Variants in BRINP1 observed in about 807,000 individuals in gnomAD.
BRINP1 encodes the protein BMP/retinoic acid inducible neural specific 1.
BRINP1 carries 17 observed loss-of-function variants against 72.9 expected under a neutral mutation model. The observed-to-expected ratio is 0.23, with a 90% CI of 0.16 to 0.35. The LOEUF (loss-of-function observed/expected upper bound fraction) is 0.35, where lower values mean the gene tolerates loss of function less well. BRINP1 is among the 10% of genes least tolerant of loss of function. The probability of loss-of-function intolerance (pLI) is 1.00; values close to 1 mark genes in which losing one functional copy is unlikely to be tolerated. For missense variants in BRINP1, 850 were observed against 1,001.6 expected (o/e 0.85, Z 2.04); for synonymous variants, 418 against 378.5 (o/e 1.10, Z -1.21).
chr9:119,269,967 GA>G (rs1351768490), intron 2 of BRINP1, among the ~76,000 whole-genome samples: 2 of 152,082 alleles, frequency 1.3e-5, no homozygotes, highest in Non-Finnish European at 2.9e-5. Flanking sequence ...ATGGAAAAAA[GA>G]AAAAGTGGAA....
rs1326075797 is a variant in BRINP1 at position 119,367,219 on chromosome 9, TTG to T, written c.-51+1835_-51+1836del. 3.9e-4 allele frequency among the ~76,000 whole-genome samples: 22 copies of T among 56,466 alleles called. 1 individual carries two copies. Among genetic ancestry groups the T allele is most frequent in the Non-Finnish European group, 5.4e-4 (14 of 25,798 alleles). The allele number at this position is 56,466 out of a possible 152,430, so 37.0% of individuals were successfully genotyped here. ...TGTGTGTGTGTGTGTGTGTGTGTGA[TTG>T]ATATATATATATATATATATATCTT... On this transcript the variant is annotated intron_variant, in intron 1 of 7. Transcript: ENST00000265922.
In BRINP1 at chr9:119,289,061, A is replaced by C. The variant is rs150519656; in HGVS notation, c.218+24077T>G. Among the ~76,000 whole-genome samples the C allele has an allele frequency of 8.1e-3, 1,237 of 152,326 alleles. 15 individuals are homozygous for C. Among genetic ancestry groups the C allele is most frequent in the African/African-American group, 0.029 (1,196 of 41,580 alleles). On this transcript the variant is annotated intron_variant, in intron 2 of 7. Transcript: ENST00000265922. ...GTGATCCACCCGCCTCGGCCTCCCAAAGTGCTGGGGTTACAGGCGTGAGCC... is the reference window on the plus strand; with the variant it reads ...GTGATCCACCCGCCTCGGCCTCCCACAGTGCTGGGGTTACAGGCGTGAGCC...
At chr9:119,215,183 G>A (rs1356462742) in intron 5 of BRINP1, among the ~76,000 whole-genome samples, 1 of 152,128 alleles carries the variant, frequency 6.6e-6, no homozygotes, top group East Asian at 1.9e-4. Flanking sequence ...CCAATAGGAA[G>A]TGACCAGCCC....
chr9:119,247,434 C>T (rs1488720311), intron 3 of BRINP1, among the ~76,000 whole-genome samples: 2 of 151,834 alleles, frequency 1.3e-5, no homozygotes, highest in Non-Finnish European at 2.9e-5. Context: ...GGGCGGATCA[C>T]GAGGTCAGGA....
intron 2 of BRINP1, among the ~76,000 whole-genome samples, chr9:119,309,525 TCTTAACAGAA>T (rs1392066223): frequency 1.3e-5 from 2 of 152,204 alleles, no homozygotes; most frequent in African/African-American, 4.8e-5. Context: ...ATATGTATAG[TCTTAACAGAA>T]AGTGAAAATA....
chr9:119,249,395 C>T (rs1681484003), intron 2 of BRINP1, among the ~76,000 whole-genome samples: 1 of 152,118 alleles, frequency 6.6e-6, no homozygotes, highest in African/African-American at 2.4e-5. Flanking sequence ...AAGTTGTTTA[C>T]AGAGCACCAG....
At chr9:119,183,553 G>A (rs772241683) in intron 7 of BRINP1, among the ~76,000 whole-genome samples, 2 of 152,164 alleles carry the variant, frequency 1.3e-5, no homozygotes, top group South Asian at 2.1e-4. Flanking sequence ...CTGGTCATAC[G>A]TGTGAATTCA....
Position 119,364,718 on chromosome 9 carries a change from T to G in BRINP1, c.-51+4338A>C, listed in dbSNP as rs544530698. Reference sequence around the variant, plus strand: ...CAACCTGGGCTTCACTTTCCTCTTCTGTAAAAGGGGCTGTATCTGTCCCAC... The same window carrying G: ...CAACCTGGGCTTCACTTTCCTCTTCGGTAAAAGGGGCTGTATCTGTCCCAC... On this transcript the variant is annotated intron_variant, in intron 1 of 7. Coordinates refer to ENST00000265922, the MANE Select transcript of BRINP1 (RefSeq NM_014618.3). Among the ~76,000 whole-genome samples the G allele has an allele frequency of 2.0e-5, 3 of 152,318 alleles. No homozygotes were observed. The East Asian group carries it at 5.8e-4, about 29-fold the overall frequency.
chr9:119,342,823 C>A (rs1831417773), intron 1 of BRINP1, among the ~76,000 whole-genome samples: 1 of 152,134 alleles, frequency 6.6e-6, no homozygotes, highest in Non-Finnish European at 1.5e-5. Flanking sequence ...AAAATCCATG[C>A]AGAGCATCAA....
chr9:119,315,525 G>A (rs914250514), intron 1 of BRINP1, among the ~76,000 whole-genome samples: 1 of 151,704 alleles, frequency 6.6e-6, no homozygotes, highest in Non-Finnish European at 1.5e-5. Flanking sequence ...CCTACTCCCC[G>A]AGAAATAATA....
chr9:119,350,414 A>G (rs1831495230), intron 1 of BRINP1, among the ~76,000 whole-genome samples: 1 of 152,254 alleles, frequency 6.6e-6, no homozygotes, highest in East Asian at 1.9e-4. Flanking sequence ...AACACGGATG[A>G]ATTTATACTA....
At chr9:119,286,620 T>G (rs1392435857) in intron 2 of BRINP1, among the ~76,000 whole-genome samples, 2 of 152,228 alleles carry the variant, frequency 1.3e-5, no homozygotes, top group South Asian at 2.1e-4. Flanking sequence ...TTCAGCGTTT[T>G]CATATATGAA....
chr9:119,356,814 A>C (rs958676391), intron 1 of BRINP1, among the ~76,000 whole-genome samples: 3 of 152,030 alleles, frequency 2.0e-5, no homozygotes, highest in African/African-American at 7.2e-5. Flanking sequence ...CAAAAAAAAA[A>C]AAAACAAAAG....
chr9:119,250,173 T>C (rs961544524), intron 2 of BRINP1, among the ~76,000 whole-genome samples: 12 of 151,064 alleles, frequency 7.9e-5, no homozygotes, highest in African/African-American at 2.9e-4. Context: ...AAGGAGGATA[T>C]ATAATAGTAG....
chr9:119,352,715 T>G (rs1370614797), intron 1 of BRINP1, among the ~76,000 whole-genome samples: 1 of 152,238 alleles, frequency 6.6e-6, no homozygotes, highest in Non-Finnish European at 1.5e-5. Flanking sequence ...TCAGATTTAA[T>G]TTTTATATTC....
intron 6 of BRINP1, among the ~76,000 whole-genome samples, chr9:119,210,172 A>T (rs1014948263): frequency 2.0e-5 from 3 of 152,198 alleles, no homozygotes; most frequent in Non-Finnish European, 4.4e-5. Flanking sequence ...CCAATCTAAT[A>T]ATCCAATCTG....
intron 1 of BRINP1, among the ~76,000 whole-genome samples, chr9:119,316,136 G>A (rs184287801): frequency 6.6e-6 from 1 of 152,238 alleles, no homozygotes; most frequent in Admixed American, 6.5e-5. Flanking sequence ...GCCTAGCCTG[G>A]AGTGCGGTGG....
At chr9:119,364,109 G>A (rs943894063) in intron 1 of BRINP1, among the ~76,000 whole-genome samples, 1 of 150,222 alleles carries the variant, frequency 6.7e-6, no homozygotes. Context: ...GGTGCCAAGA[G>A]GCCTCCAAGC....
chr9:119,242,765 C>T (rs1473795406), intron 3 of BRINP1, among the ~76,000 whole-genome samples: 1 of 152,272 alleles, frequency 6.6e-6, no homozygotes, highest in East Asian at 1.9e-4. Context: ...GAATGATAGA[C>T]ATGTTTAAAT....
Sources: gnomAD v4.1 joint callset for allele counts (sites outside exome capture counted in the v4.1 genomes callset) on GRCh38, gnomAD v4.1.1 for gene constraint, MANE v1.5 for transcripts, NCBI Gene and HGNC (gene_info 2026-07-23, HGNC 2026-07-21) for gene names.